NRAP: variants seen among roughly 807,000 people sequenced by gnomAD.
NRAP encodes the protein nebulin related anchoring protein.
Under a neutral mutation model 225.9 loss-of-function variants are expected in NRAP, and 189 were observed. The observed-to-expected ratio is 0.84, with a 90% CI of 0.74 to 0.94. NRAP has a LOEUF of 0.94. Among genes scored for constraint, NRAP ranks in the 40% least tolerant of loss-of-function variants. NRAP has a pLI of 0.00. For missense variants in NRAP, 2,176 were observed against 2,168.7 expected (o/e 1.00, Z -0.07); for synonymous variants, 769 against 790.7 (o/e 0.97, Z 0.46).
chr10:113,630,758 C>A (rs147977387), intron 18 of NRAP, among the ~76,000 whole-genome samples: 1 of 152,166 alleles, frequency 6.6e-6, no homozygotes, highest in African/African-American at 2.4e-5. Context: ...TCCAAAATGG[C>A]GACCCAGATG....
Position 113,592,001 on chromosome 10 carries a change from C to T in NRAP, c.4644+193G>A, listed in dbSNP as rs537382566. Among the ~76,000 whole-genome samples, 4 of 152,326 alleles carry T rather than the reference C, an allele frequency of 2.6e-5. No homozygotes were observed. The South Asian group carries it at 6.2e-4, about 24-fold the overall frequency. On this transcript the variant is annotated intron_variant, in intron 39 of 41. Transcript: ENST00000359988. ...AGAATGGAAATACAGCCCTCCTTGA[C>T]CACAATTTCTGCCTAAGATGCTAGA...
intron 24 of NRAP, among the ~76,000 whole-genome samples, chr10:113,621,519 G>A (rs954098665): frequency 3.9e-5 from 6 of 152,124 alleles, no homozygotes; most frequent in South Asian, 4.1e-4. Context: ...TATCAAAGTC[G>A]GGGTGAGTTA....
At chr10:113,637,025 A>C (rs1017437906) in intron 14 of NRAP, among the ~76,000 whole-genome samples, 1 of 151,892 alleles carries the variant, frequency 6.6e-6, no homozygotes, top group Non-Finnish European at 1.5e-5. Context: ...AAAAAAAAAA[A>C]AAAATCCAGT....
rs1172834229 is a variant in NRAP, at chr10:113,622,138, T to G, written c.2500A>C (p.Ile834Leu). The G allele has an allele frequency of 6.2e-7, 1 of 1,613,946 alleles. No homozygotes were observed. The highest frequency in any genetic ancestry group is 8.5e-7 in the Non-Finnish European group (1 of 1,179,920). ...TCTCCCTGTACATCTTTTGCCCCAATGAGCTTCCCTCTGGATCTCTCATAA... is the reference window on the plus strand; with the variant it reads ...TCTCCCTGTACATCTTTTGCCCCAAGGAGCTTCCCTCTGGATCTCTCATAA... ...EDYERSRGKL[I>L]GAKDVQGDSQ... Residue 834 changes from isoleucine to leucine, a missense_variant, in exon 24 of 42, where the codon ATT becomes CTT. Coordinates refer to ENST00000359988, the MANE Select transcript of NRAP (RefSeq NM_198060.4).
rs374920413 is a variant in NRAP at position 113,629,797 on chromosome 10, C to G, written c.1843-12G>C. On this transcript the variant is annotated splice_polypyrimidine_tract_variant and intron_variant, in intron 18 of 41. Coordinates refer to ENST00000359988, the MANE Select transcript of NRAP (RefSeq NM_198060.4). ...TTCTTATATTCAACCTTGAATATAC[C>G]AAAACAAGGCCCGTTTTGTTAGTTG... 2.5e-5 allele frequency: 39 copies of G among 1,578,138 alleles called. No individual in the cohort carries two copies. In the African/African-American group the frequency reaches 4.4e-4, roughly 18 times the overall value.
At chr10:113,627,975 T>C (rs998050691) in intron 20 of NRAP, among the ~76,000 whole-genome samples, 6 of 152,184 alleles carry the variant, frequency 3.9e-5, no homozygotes, top group South Asian at 2.1e-4. Flanking sequence ...GCAAGAGATA[T>C]GCCGACTCAG....
intron 12 of NRAP, among the ~76,000 whole-genome samples, chr10:113,642,492 G>A (rs954872781): frequency 1.3e-5 from 2 of 152,100 alleles, no homozygotes; most frequent in Admixed American, 6.5e-5. Flanking sequence ...ATTTGCGAAT[G>A]CCCCTCTAGT....
chr10:113,592,037 C>T (rs571129896), intron 39 of NRAP, among the ~76,000 whole-genome samples, 157 bp downstream of exon 39: 28 of 149,976 alleles, frequency 1.9e-4, no homozygotes, highest in Middle Eastern at 3.4e-3. Context: ...AAGTAAAGCC[C>T]TTTTTTTTTT....
At chr10:113,601,619 T>A (rs1167213905) in intron 35 of NRAP, among the ~76,000 whole-genome samples, 1 of 152,262 alleles carries the variant, frequency 6.6e-6, no homozygotes, top group Non-Finnish European at 1.5e-5. Flanking sequence ...AGCATAAGAT[T>A]GCCAACTACA....
At chr10:113,663,666 T>C (rs1850838807) in intron 1 of NRAP, 145 bp downstream of exon 1, 1 of 685,266 alleles carries the variant, frequency 1.5e-6, no homozygotes, top group Non-Finnish European at 2.5e-6. Flanking sequence ...TAGAACTAAA[T>C]AAAGGTGAGA....
rs377041831 is a variant in NRAP at position 113,595,727 on chromosome 10, G to T, written c.4432C>A (p.Arg1478Ser). The change falls in exon 38 of 42, where the codon CGC (arginine) becomes AGC (serine). Residue 1478 changes from arginine to serine, a missense_variant and splice_region_variant. Arg to Ser is a moderately radical substitution (Grantham distance 110, BLOSUM62 -1). Around this residue, in one of 3 missense-constraint regions of NRAP, gnomAD observed 445 missense variants for 426.1 expected, o/e 1.04. Transcript: ENST00000359988. ...AKNSYMHCNE[R>S]MYRSGDAESL... ...TCTGCATCTCCAGATCTATACATGC[G>T]CTGTAGATAAGATGGGCTCATGGTA... is the stretch of plus-strand genomic sequence containing the variant. 6.3e-7 allele frequency: 1 copy of T among 1,592,758 alleles called. No individual in the cohort carries two copies. Among genetic ancestry groups the T allele is most frequent in the South Asian group, 1.1e-5 (1 of 90,512 alleles).
chr10:113,620,274 CT>C (rs1187858740), intron 25 of NRAP, among the ~76,000 whole-genome samples: 1 of 152,112 alleles, frequency 6.6e-6, no homozygotes, highest in Non-Finnish European at 1.5e-5. Context: ...CACCAAAGAG[CT>C]TTTTGGGTGC....
chr10:113,654,408 A>T (rs3127116), intron 4 of NRAP, among the ~76,000 whole-genome samples: 83,528 of 151,522 alleles, frequency 0.55, 24,290 homozygotes, highest in East Asian at 0.7. Flanking sequence ...AGGGGAAATC[A>T]CTGTGGACAG....
At chr10:113,648,439 C>CTT (rs1849718705) in intron 9 of NRAP, among the ~76,000 whole-genome samples, 2 of 96,106 alleles carry the variant, frequency 2.1e-5, no homozygotes, top group African/African-American at 9.3e-5. Context: ...ATTTTAGTTT[C>CTT]TCTCTCTCTC....
intron 21 of NRAP, 31 bp from the exon 22 acceptor site, chr10:113,624,961 G>T: frequency 6.9e-7 from 1 of 1,451,142 alleles, no homozygotes; most frequent in African/African-American, 1.4e-5. Context: ...GTCAGGAGCA[G>T]GTGGCAAGGG....
At position 113,646,950 on chromosome 10, in the gene NRAP, G is replaced by A; in HGVS notation, c.966C>T (p.Ala322=). ...PAMITPAYQN[A]KKAHELASDI... is the part of the protein sequence containing the mutation. Reference sequence around the variant, plus strand: ...CACTAGCGAGTTCGTGAGCTTTCTTGGCGTTCTGATATGCTGGAGTGATCA... The same window carrying A: ...CACTAGCGAGTTCGTGAGCTTTCTTAGCGTTCTGATATGCTGGAGTGATCA... Residue 322 remains alanine (A), a synonymous_variant, in exon 10 of 42, where the codon GCC becomes GCT. Transcript: ENST00000359988. 1 of 1,613,840 alleles carries A rather than the reference G, an allele frequency of 6.2e-7. No individual in the cohort carries two copies. The highest frequency in any genetic ancestry group is 8.5e-7 in the Non-Finnish European group (1 of 1,179,752).
At chr10:113,643,307 G>A (rs1200011971) in intron 11 of NRAP, among the ~76,000 whole-genome samples, 1 of 152,110 alleles carries the variant, frequency 6.6e-6, no homozygotes, top group African/African-American at 2.4e-5. Flanking sequence ...TCAAAAAATG[G>A]CAAAACTGGT....
rs1848603127 is a variant in NRAP, at chr10:113,631,892, G to A, written c.1705C>T (p.Leu569=). The A allele has an allele frequency of 3.1e-6, 5 of 1,613,244 alleles. No homozygotes were observed. The highest frequency in any genetic ancestry group is 2.5e-6 in the Non-Finnish European group (3 of 1,179,136). Residue 569 remains leucine (L), a synonymous_variant, in exon 17 of 42, where the codon CTG becomes TTG. Transcript: ENST00000359988. ...AGCTCCCCAGAGGCTTTGGCGGCCA[G>A]CAGAGACATGGCATCCAGCTTCATC... ...FEMKLDAMSL[L]AAKASGELAS... is the part of the protein sequence containing the mutation.
Position 113,620,695 on chromosome 10 carries a change from G to A in NRAP, c.2783C>T (p.Ala928Val), listed in dbSNP as rs996610238. The A allele has an allele frequency of 1.9e-6, 3 of 1,607,008 alleles. No homozygotes were observed. Among genetic ancestry groups the A allele is most frequent in the Non-Finnish European group, 2.6e-6 (3 of 1,175,044 alleles). The change falls in exon 25 of 42, where the codon GCA (alanine) becomes GTA (valine). Residue 928 changes from alanine (A) to valine (V), a missense_variant. Coordinates refer to ENST00000359988, the MANE Select transcript of NRAP (RefSeq NM_198060.4). ...YGLQSDNQYR[A>V]DVKWMKGMGW... is the part of the protein sequence containing the mutation. ...CATGCCTTTCATCCACTTCACATCT[G>A]CCCTGTATTGGTTCTGACAAAGGAG... is the stretch of plus-strand genomic sequence containing the variant.
Sources: gnomAD v4.1 joint callset for allele counts (sites outside exome capture counted in the v4.1 genomes callset) on GRCh38, gnomAD v4.1.1 for gene constraint, gnomAD v4.1.1 regional missense constraint, MANE v1.5 for transcripts, NCBI Gene and HGNC (gene_info 2026-07-23, HGNC 2026-07-21) for gene names.